Variants in TRPC7 observed in about 807,000 individuals in gnomAD.
The protein encoded by TRPC7 is transient receptor potential cation channel subfamily C member 7, also known as short transient receptor potential channel 7.
TRPC7 carries 42 observed loss-of-function variants against 90.1 expected under a neutral mutation model. That is an observed-to-expected ratio of 0.47 (90% confidence interval 0.36 to 0.60). TRPC7 has a LOEUF of 0.60. Ranked by LOEUF, TRPC7 falls within the 20% of genes least tolerant of loss-of-function variation. The pLI is 0.00. For missense variants in TRPC7, 955 were observed against 1,112.3 expected (o/e 0.86, Z 2.01); for synonymous variants, 451 against 436.3 (o/e 1.03, Z -0.42).
At chr5:136,283,868 G>T (rs1757626908) in intron 3 of TRPC7, among the ~76,000 whole-genome samples, 1 of 152,140 alleles carries the variant, frequency 6.6e-6, no homozygotes, top group African/African-American at 2.4e-5. Context: ...AAACAATGGG[G>T]TGTGCCTATC....
chr5:136,251,860 C>T lies in TRPC7; in HGVS notation c.1368G>A (p.Lys456=). The T allele has an allele frequency of 6.2e-7, 1 of 1,613,946 alleles. No individual in the cohort carries two copies. Among genetic ancestry groups the T allele is most frequent in the Non-Finnish European group, 8.5e-7 (1 of 1,179,850 alleles). The change falls in exon 6 of 12, where the codon AAG becomes AAA. Residue 456 remains lysine, a synonymous_variant. Transcript: ENST00000513104. ...WVLGMIWSEC[K]EIWEEGPREY... ...CCCGTGGCCCCTCCTCCCAGATTTC[C>T]TTGCATTCGGACCAAATCATTCCTG... is the stretch of plus-strand genomic sequence containing the variant.
intron 2 of TRPC7, among the ~76,000 whole-genome samples, chr5:136,339,900 C>G (rs760865103): frequency 2.0e-5 from 3 of 151,670 alleles, no homozygotes; most frequent in African/African-American, 7.3e-5. Flanking sequence ...CTCTTTATAA[C>G]AGAATAAATT....
intron 2 of TRPC7, among the ~76,000 whole-genome samples, chr5:136,336,442 T>A (rs1759665921): frequency 6.6e-6 from 1 of 152,112 alleles, no homozygotes; most frequent in South Asian, 2.1e-4. Context: ...AAGATTTCAA[T>A]TCAGATGTTG....
chr5:136,266,282 A>G lies in TRPC7; in HGVS notation c.1283T>C (p.Ile428Thr). Residue 428 changes from isoleucine to threonine, a missense_variant, in exon 5 of 12, where the codon ATC (isoleucine) becomes ACC (threonine). Around this residue, in one of 4 missense-constraint regions of TRPC7, gnomAD observed 484 missense variants for 509.6 expected, o/e 0.95. Coordinates refer to ENST00000513104, the MANE Select transcript of TRPC7 (RefSeq NM_020389.3). ...GAACTGTGTGGTTTTCACTCTGAAG[A>G]TTTGTTTTGGGTAGTCTGTGAAGGT... ...NETFTDYPKQIFRVKTTQFSW... is the reference protein window; with the variant it reads ...NETFTDYPKQTFRVKTTQFSW... 2 of 1,613,888 alleles carry G rather than the reference A, an allele frequency of 1.2e-6. No individual in the cohort carries two copies. The highest frequency in any genetic ancestry group is 1.7e-6 in the Non-Finnish European group (2 of 1,179,816).
chr5:136,271,651 C>G (rs1317887643), intron 4 of TRPC7, among the ~76,000 whole-genome samples: 1 of 152,214 alleles, frequency 6.6e-6, no homozygotes, highest in African/African-American at 2.4e-5. Flanking sequence ...AGTGGGCTGC[C>G]TGAGCTCAAC....
At chr5:136,297,494 TTAAG>T (rs1427841646) in intron 3 of TRPC7, among the ~76,000 whole-genome samples, 1 of 152,082 alleles carries the variant, frequency 6.6e-6, no homozygotes, top group African/African-American at 2.4e-5. Flanking sequence ...TACATATATA[TTAAG>T]TATGTAATAG....
At chr5:136,223,934 G>T (rs935526957) in intron 10 of TRPC7, among the ~76,000 whole-genome samples, 1 of 152,176 alleles carries the variant, frequency 6.6e-6, no homozygotes, top group Non-Finnish European at 1.5e-5. Context: ...TTAAACACAA[G>T]ATTTGCCCAT....
In TRPC7 at chr5:136,247,724, A is replaced by T; in HGVS notation, c.1591T>A (p.Trp531Arg). ...VAYFTYARDK[W>R]WPSDPQIISE... ...ATGATCTGAGGGTCTGAAGGCCACC[A>T]CTTGTCCCTGGCTAAAAGAAAACAA... Residue 531 changes from tryptophan (W) to arginine (R), a missense_variant, in exon 7 of 12, where the codon TGG becomes AGG. By Grantham distance (101) the Trp-to-Arg change is moderately radical (BLOSUM62 -3). Coordinates refer to ENST00000513104, the MANE Select transcript of TRPC7 (RefSeq NM_020389.3). This position sits in a 1 kb window ranked among gnomAD's most constrained non-coding sequence, Gnocchi z 4.2. 3 of 1,612,102 alleles carry T rather than the reference A, an allele frequency of 1.9e-6. No homozygotes were observed. The highest frequency in any genetic ancestry group is 1.7e-6 in the Non-Finnish European group (2 of 1,178,458).
chr5:136,223,227 C>T (rs926376509), intron 10 of TRPC7, among the ~76,000 whole-genome samples: 4 of 152,340 alleles, frequency 2.6e-5, no homozygotes, highest in African/African-American at 7.2e-5. Flanking sequence ...TCTCTGTAAT[C>T]ACAGCAGGAA....
At chr5:136,325,245 A>G (rs183209150) in intron 2 of TRPC7, among the ~76,000 whole-genome samples, 1 of 152,322 alleles carries the variant, frequency 6.6e-6, no homozygotes, top group African/African-American at 2.4e-5. Context: ...CCTTGACTGG[A>G]GCAGTTATGG....
intron 2 of TRPC7, among the ~76,000 whole-genome samples, chr5:136,340,219 C>T (rs1037395218): frequency 6.6e-6 from 1 of 152,036 alleles, no homozygotes; most frequent in Non-Finnish European, 1.5e-5. Flanking sequence ...AAGCTAGGCA[C>T]AGACAAATAC....
At chr5:136,301,554 C>T (rs1412149387) in intron 3 of TRPC7, among the ~76,000 whole-genome samples, 2 of 151,922 alleles carry the variant, frequency 1.3e-5, no homozygotes, top group Non-Finnish European at 2.9e-5. Flanking sequence ...TTGTAATCTC[C>T]CCCACCCTTA....
At chr5:136,319,978 C>T (rs1010539425) in intron 2 of TRPC7, among the ~76,000 whole-genome samples, 7 of 152,138 alleles carry the variant, frequency 4.6e-5, no homozygotes, top group Non-Finnish European at 7.4e-5. Context: ...AATTTCAATA[C>T]CACCCATACA....
At chr5:136,284,533 A>T (rs1234713228) in intron 3 of TRPC7, among the ~76,000 whole-genome samples, 1 of 152,214 alleles carries the variant, frequency 6.6e-6, no homozygotes, top group Non-Finnish European at 1.5e-5. Context: ...TCATTCAACA[A>T]ATATCTACTG....
chr5:136,240,574 G>A (rs1440410275), intron 7 of TRPC7, among the ~76,000 whole-genome samples: 6 of 152,154 alleles, frequency 3.9e-5, no homozygotes, highest in African/African-American at 9.7e-5. Context: ...AATCAAAATC[G>A]GAGTTAGTAT....
chr5:136,221,535 C>G (rs1755460567), intron 10 of TRPC7, among the ~76,000 whole-genome samples: 1 of 152,116 alleles, frequency 6.6e-6, no homozygotes, highest in South Asian at 2.1e-4. Context: ...GATGAGGACA[C>G]AGATAAGGAA....
chr5:136,318,121 A>G (rs564107743), intron 2 of TRPC7, among the ~76,000 whole-genome samples: 1 of 152,312 alleles, frequency 6.6e-6, no homozygotes, highest in African/African-American at 2.4e-5. Flanking sequence ...TGACAGGTAC[A>G]TGAATGGAAG....
At chr5:136,364,496 G>A (rs935413024) in intron 1 of TRPC7, among the ~76,000 whole-genome samples, 1 of 152,128 alleles carries the variant, frequency 6.6e-6, no homozygotes, top group African/African-American at 2.4e-5. Context: ...CCACCAGCAG[G>A]TGGCATTCTG....
rs367675420 is a variant in TRPC7 at position 136,338,063 on chromosome 5, A to C, written c.780+18545T>G. Reference sequence around the variant, plus strand: ...GAGGGAATGGTGGGGAGAGAGAGAGAGAGCAGCGATACTTAGCATTTCAAT... The same window carrying C: ...GAGGGAATGGTGGGGAGAGAGAGAGCGAGCAGCGATACTTAGCATTTCAAT... On this transcript the variant is annotated intron_variant, in intron 2 of 11. Coordinates refer to ENST00000513104, the MANE Select transcript of TRPC7 (RefSeq NM_020389.3). 2.2e-4 allele frequency among the ~76,000 whole-genome samples: 33 copies of C among 152,270 alleles called. No homozygotes were observed. The Middle Eastern group carries it at 0.014, about 63-fold the overall frequency.
Sources: allele counts gnomAD v4.1 joint callset (sites outside exome capture counted in the v4.1 genomes callset), GRCh38; gene constraint gnomAD v4.1.1; regional missense constraint gnomAD v4.1.1; non-coding constraint Gnocchi (gnomAD v3.1); transcripts MANE v1.5; gene names NCBI Gene and HGNC (gene_info 2026-07-23, HGNC 2026-07-21).